C12orf42: variants seen among roughly 807,000 people sequenced by gnomAD.
C12orf42 encodes the protein chromosome 12 open reading frame 42, also known as uncharacterized protein C12orf42.
C12orf42 carries 25 observed loss-of-function variants against 21.6 expected under a neutral mutation model. The ratio of observed to expected loss-of-function variants is 1.16; its 90% CI spans 0.84 to 1.62. The LOEUF is 1.62. Ranked by LOEUF, C12orf42 falls within the 40% of genes most tolerant of loss-of-function variation. The pLI, the probability that C12orf42 is intolerant of heterozygous loss-of-function variation, is 0.00. For missense variants in C12orf42, 483 were observed against 459.3 expected, an observed-to-expected ratio of 1.05 and a Z score of -0.47; for synonymous variants, 174 against 175.0, an observed-to-expected ratio of 0.99 and a Z score of 0.05.
rs571357098 is a variant in C12orf42, at chr12:103,287,418, G to A, written n.338-10208C>T. Among the ~76,000 whole-genome samples the A allele has an allele frequency of 5.3e-3, 801 of 151,668 alleles. 11 individuals are homozygous for A. The highest frequency in any genetic ancestry group is 2.9e-3 in the Non-Finnish European group (200 of 67,992). ...TGTCCTTTGTAGGGACATGGATGAA[G>A]CTGGAAACCATCATTCTCAGCAAAC... On this transcript the variant is annotated intron_variant and non_coding_transcript_variant, in intron 4 of 6. Coordinates refer to the C12orf42 transcript ENST00000546526.
chr12:103,520,090 C>G, the C12orf42 span, among the ~76,000 whole-genome samples: 6 of 152,114 alleles, frequency 3.9e-5, no homozygotes, highest in South Asian at 1.2e-3. Flanking sequence ...GGAGGGTGAG[C>G]AGTGAATATG....
At chr12:103,148,479 T>C in the C12orf42 span, among the ~76,000 whole-genome samples, 2 of 152,000 alleles carry the variant, frequency 1.3e-5, no homozygotes, top group Non-Finnish European at 2.9e-5. Context: ...ATGGTTAGAC[T>C]TACATCATGA....
intron 2 of C12orf42, among the ~76,000 whole-genome samples, chr12:103,449,435 C>T (rs182376247): frequency 1.3e-5 from 2 of 151,788 alleles, no homozygotes; most frequent in South Asian, 2.1e-4. Flanking sequence ...GAAATCACCA[C>T]TAAAGAACTT....
At chr12:103,303,303 C>T (rs1487841550) in intron 5 of C12orf42, among the ~76,000 whole-genome samples, 1 of 151,478 alleles carries the variant, frequency 6.6e-6, no homozygotes, top group Non-Finnish European at 1.5e-5. Flanking sequence ...TATATATAAA[C>T]TTCCATATTA....
At chr12:103,170,232 C>T in the C12orf42 span, among the ~76,000 whole-genome samples, 1 of 152,128 alleles carries the variant, frequency 6.6e-6, no homozygotes, top group Non-Finnish European at 1.5e-5. Flanking sequence ...CAATTATACC[C>T]TTATGCCATG....
the C12orf42 span, among the ~76,000 whole-genome samples, chr12:103,193,158 A>C: frequency 6.6e-6 from 1 of 152,144 alleles, no homozygotes; most frequent in African/African-American, 2.4e-5. Flanking sequence ...GTCAAAGAAT[A>C]AATTTAAAAA....
chr12:103,158,725 A>T, the C12orf42 span, among the ~76,000 whole-genome samples: 1 of 151,920 alleles, frequency 6.6e-6, no homozygotes, highest in South Asian at 2.1e-4. Context: ...CTAAAAATAC[A>T]AAAAATTAGC....
At chr12:103,087,933 G>C in the C12orf42 span, among the ~76,000 whole-genome samples, 1 of 152,234 alleles carries the variant, frequency 6.6e-6, no homozygotes, top group Non-Finnish European at 1.5e-5. Flanking sequence ...TGTTGTGACA[G>C]TAGTAAATAC....
rs1555237063 is a variant in C12orf42 at position 103,250,088 on chromosome 12, T to TATCTATCTATC, written c.*1367-12197_*1367-12187dup. Among the ~76,000 whole-genome samples, 83 of 151,580 alleles carry TATCTATCTATC rather than the reference T, an allele frequency of 5.5e-4. No homozygotes were observed. The East Asian group carries it at 9.7e-3, about 18-fold the overall frequency. ...CTATCTATCTATCTATCTATCTATC[T>TATCTATCTATC]ATCTATCTATCTATCTATGTTTGAT... On this transcript the variant is annotated intron_variant and NMD_transcript_variant, in intron 10 of 10. Transcript: ENST00000547347.
the C12orf42 span, among the ~76,000 whole-genome samples, chr12:103,540,149 A>G: frequency 6.6e-6 from 1 of 151,624 alleles, no homozygotes; most frequent in Non-Finnish European, 1.5e-5. Flanking sequence ...CTAGGATTAC[A>G]GGCACATGCC....
chr12:103,445,576 C>T (rs541767298), intron 2 of C12orf42, among the ~76,000 whole-genome samples: 1 of 152,024 alleles, frequency 6.6e-6, no homozygotes, highest in East Asian at 1.9e-4. Context: ...CTGTAAAATG[C>T]TTGTGCAAGT....
downstream of C12orf42, among the ~76,000 whole-genome samples, chr12:103,298,998 G>A (rs1377469634): frequency 6.6e-6 from 1 of 152,082 alleles, no homozygotes. Context: ...ATATAATCAG[G>A]AGGTGAGGGG....
At chr12:103,302,808 G>A (rs997823164) in intron 5 of C12orf42, among the ~76,000 whole-genome samples, 7 of 151,192 alleles carry the variant, frequency 4.6e-5, no homozygotes, top group Non-Finnish European at 1.0e-4. Context: ...AAAAAAAATA[G>A]CTTTTGCATA....
chr12:103,376,730 T>C (rs1019037041), intron 3 of C12orf42, among the ~76,000 whole-genome samples: 1 of 152,230 alleles, frequency 6.6e-6, no homozygotes, highest in Non-Finnish European at 1.5e-5. Context: ...TTTGTCACTA[T>C]TGAAATAACA....
intron 2 of C12orf42, among the ~76,000 whole-genome samples, chr12:103,460,453 G>A (rs920653284): frequency 1.3e-5 from 2 of 152,174 alleles, no homozygotes; most frequent in African/African-American, 4.8e-5. Flanking sequence ...GTGTGCACAG[G>A]AGCAAGAGTA....
intron 3 of C12orf42, among the ~76,000 whole-genome samples, 171 bp from the exon 4 acceptor site, chr12:103,369,169 T>C (rs1268385811): frequency 6.6e-6 from 1 of 152,104 alleles, no homozygotes; most frequent in Non-Finnish European, 1.5e-5. Context: ...TTAACTCTAG[T>C]TACCTTTACA....
intron 4 of C12orf42, among the ~76,000 whole-genome samples, chr12:103,290,109 A>C (rs538523604): frequency 1.6e-4 from 25 of 152,320 alleles, no homozygotes; most frequent in African/African-American, 5.1e-4. Context: ...AATGAAAAGC[A>C]AACAATATGC....
intron 2 of C12orf42, among the ~76,000 whole-genome samples, chr12:103,433,390 C>T (rs1188453505): frequency 6.6e-6 from 1 of 152,126 alleles, no homozygotes; most frequent in South Asian, 2.1e-4. Flanking sequence ...CATGGTGACA[C>T]CATCTGAACT....
intron 2 of C12orf42, among the ~76,000 whole-genome samples, chr12:103,420,870 T>G (rs2049832294): frequency 6.6e-6 from 1 of 152,220 alleles, no homozygotes; most frequent in African/African-American, 2.4e-5. Context: ...ACCATTGGAT[T>G]ATTTGTGGTT....
Sources: allele counts gnomAD v4.1 joint callset (sites outside exome capture counted in the v4.1 genomes callset), GRCh38; gene constraint gnomAD v4.1.1; transcripts MANE v1.5; gene names NCBI Gene and HGNC (gene_info 2026-07-23, HGNC 2026-07-21).